The following RNF220 variants were observed in gnomAD, a reference collection of about 807,000 sequenced individuals.
The protein encoded by RNF220 is ring finger protein 220.
A neutral mutation model predicts 67.1 loss-of-function variants in RNF220; 7 were observed. The ratio of observed to expected loss-of-function variants is 0.10; its 90% CI spans 0.06 to 0.20. The LOEUF (loss-of-function observed/expected upper bound fraction) is 0.20, where lower values mean the gene tolerates loss of function less well. RNF220 is among the 10% of genes least tolerant of loss of function. The pLI, the probability that RNF220 is intolerant of heterozygous loss-of-function variation, is 1.00. For synonymous variants in RNF220, 270 were observed against 283.2 expected, an observed-to-expected ratio of 0.95 and a Z score of 0.47; for missense variants, 565 against 740.3, an observed-to-expected ratio of 0.76 and a Z score of 2.75.
intron 8 of RNF220, among the ~76,000 whole-genome samples, chr1:44,641,465 C>G (rs1644486513): frequency 6.6e-6 from 1 of 152,128 alleles, no homozygotes; most frequent in African/African-American, 2.4e-5. Context: ...GGAAGAGGAG[C>G]CAGAGACTTG....
chr1:44,450,718 G>A (rs1358987528), intron 2 of RNF220, among the ~76,000 whole-genome samples: 6 of 152,050 alleles, frequency 3.9e-5, no homozygotes, highest in Admixed American at 3.9e-4. Context: ...TTATTTTCCT[G>A]TTGGAAGCCT....
At chr1:44,607,850 G>C (rs531471635) in intron 2 of RNF220, among the ~76,000 whole-genome samples, 20 of 151,392 alleles carry the variant, frequency 1.3e-4, no homozygotes, top group Non-Finnish European at 2.8e-4. Flanking sequence ...TGGTTCCCAC[G>C]CATCCTTCAG....
intron 2 of RNF220, among the ~76,000 whole-genome samples, chr1:44,541,596 G>T (rs541615409): frequency 7.0e-4 from 106 of 152,334 alleles, no homozygotes; most frequent in Admixed American, 2.7e-3. Context: ...TAACTGGAAG[G>T]TTCCTCAGAG....
chr1:44,435,520 A>G (rs1650874628), intron 2 of RNF220, among the ~76,000 whole-genome samples: 1 of 152,214 alleles, frequency 6.6e-6, no homozygotes, highest in East Asian at 1.9e-4. Flanking sequence ...ATGGGGAACA[A>G]GGCACCAGCG....
In RNF220 at chr1:44,631,216, C is replaced by T. The variant is rs1483011868; in HGVS notation, c.907-1127C>T. On this transcript the variant is annotated intron_variant, in intron 5 of 14. Coordinates refer to ENST00000361799, the MANE Select transcript of RNF220 (RefSeq NM_018150.4). ...AAAACTTCACAAGCGATGATAACGG[C>T]GCAGAGATGAATGTACTCTTACACA... Among the ~76,000 whole-genome samples the T allele has an allele frequency of 2.6e-5, 4 of 152,276 alleles. 1 individual carries two copies. In the Middle Eastern group the frequency reaches 0.01, roughly 388 times the overall value.
chr1:44,409,188 T>C lies in RNF220; in HGVS notation c.-117-2793T>C, dbSNP rs557940448. ...CTTTAAACCAGGGTCAGGAGTGTGA[T>C]TTAAGAAACAAACAAACTCCCACAG... On this transcript the variant is annotated intron_variant, in intron 1 of 14. Transcript: ENST00000361799. Among the ~76,000 whole-genome samples, 73 of 149,998 alleles carry C rather than the reference T, an allele frequency of 4.9e-4. No homozygotes were observed. In the South Asian group the frequency reaches 0.015, roughly 30 times the overall value.
intron 2 of RNF220, among the ~76,000 whole-genome samples, chr1:44,561,379 C>T (rs1572887008): frequency 1.3e-5 from 2 of 151,730 alleles, no homozygotes; most frequent in Non-Finnish European, 2.9e-5. Context: ...GCATGGTGGC[C>T]GGCGCCTGTA....
intron 8 of RNF220, among the ~76,000 whole-genome samples, chr1:44,642,754 T>C (rs770049273): frequency 6.6e-6 from 1 of 152,172 alleles, no homozygotes; most frequent in African/African-American, 2.4e-5. Context: ...TGGGCTCACA[T>C]GTGGTGCCAG....
intron 8 of RNF220, chr1:44,638,404 C>T (rs1644391641): frequency 6.6e-6 from 1 of 152,282 alleles, no homozygotes; most frequent in Non-Finnish European, 1.5e-5. Context: ...GAGGCAGAGG[C>T]AGGATGAGCA....
At chr1:44,506,754 C>T (rs1274853921) in intron 2 of RNF220, among the ~76,000 whole-genome samples, 1 of 152,198 alleles carries the variant, frequency 6.6e-6, no homozygotes, top group Admixed American at 6.5e-5. Flanking sequence ...TGAGCTTCCC[C>T]ACTGACTTGC....
chr1:44,406,297 A>G (rs968945809), intron 1 of RNF220, among the ~76,000 whole-genome samples: 2 of 152,108 alleles, frequency 1.3e-5, no homozygotes, highest in African/African-American at 4.8e-5. Context: ...GCTAGCATAG[A>G]GGCGGACCGT....
chr1:44,487,716 A>G (rs1041670532), intron 2 of RNF220, among the ~76,000 whole-genome samples: 1 of 147,626 alleles, frequency 6.8e-6, no homozygotes, highest in African/African-American at 2.5e-5. Flanking sequence ...AATAACAATA[A>G]TAATAATACA....
At chr1:44,477,907 T>A (rs1213526778) in intron 2 of RNF220, among the ~76,000 whole-genome samples, 1 of 152,188 alleles carries the variant, frequency 6.6e-6, no homozygotes, top group Admixed American at 6.5e-5. Context: ...AACAGTACAT[T>A]TCTTTGTGAA....
At chr1:44,434,134 T>C (rs1650700640) in intron 2 of RNF220, among the ~76,000 whole-genome samples, 2 of 152,086 alleles carry the variant, frequency 1.3e-5, no homozygotes, top group Non-Finnish European at 2.9e-5. Context: ...TGAATTGGAA[T>C]GCCCTTGGAA....
chr1:44,409,556 C>T (rs1167179850), intron 1 of RNF220, among the ~76,000 whole-genome samples: 1 of 152,160 alleles, frequency 6.6e-6, no homozygotes, highest in Non-Finnish European at 1.5e-5. Context: ...TTCCACTGCT[C>T]GGATCAATAG....
chr1:44,408,245 C>T (rs1002519942), intron 1 of RNF220, among the ~76,000 whole-genome samples: 2 of 152,166 alleles, frequency 1.3e-5, no homozygotes, highest in African/African-American at 4.8e-5. Context: ...CAGTATCCCG[C>T]GACCCCGCAC....
chr1:44,625,394 G>A (rs1227402384), intron 4 of RNF220, among the ~76,000 whole-genome samples: 3 of 152,228 alleles, frequency 2.0e-5, no homozygotes, highest in Non-Finnish European at 2.9e-5. Flanking sequence ...CATGGCCACC[G>A]CATGCGGGTC....
At chr1:44,575,542 T>C (rs143660960) in intron 2 of RNF220, among the ~76,000 whole-genome samples, 4,673 of 152,140 alleles carry the variant, frequency 0.031, 206 homozygotes, top group East Asian at 0.16. Context: ...AACAGGTACA[T>C]GAAAAAATGC....
In RNF220 at chr1:44,651,052, T is replaced by A. The variant is rs528502164; in HGVS notation, c.*277T>A. 2.5e-4 allele frequency: 119 copies of A among 484,760 alleles called. 1 individual carries two copies. Among genetic ancestry groups the A allele is most frequent in the Middle Eastern group, 1.2e-3 (2 of 1,698 alleles). The allele number at this position is 484,760 out of a possible 1,614,324, so 30.0% of individuals were successfully genotyped here. A position where few individuals can be genotyped will look rare whatever the true frequency, so the allele number is the denominator to read the frequency against. On this transcript the variant is annotated 3_prime_UTR_variant, in exon 15 of 15. Coordinates refer to ENST00000361799, the MANE Select transcript of RNF220 (RefSeq NM_018150.4). ...CCAGGGTGGGGCAGGGAGGTGGGGG[T>A]TGGGGGAGTAGTGGGGCACGGCTCC...
Sources: gnomAD v4.1 joint callset for allele counts (sites outside exome capture counted in the v4.1 genomes callset) on GRCh38, gnomAD v4.1.1 for gene constraint, MANE v1.5 for transcripts, NCBI Gene and HGNC (gene_info 2026-07-23, HGNC 2026-07-21) for gene names.